Variants in QKI observed in about 807,000 individuals in gnomAD.
The protein encoded by QKI is QKI, KH domain containing RNA binding.
In QKI, 10 loss-of-function variants were observed where a neutral mutation model predicts 39.0. That is an observed-to-expected ratio of 0.26 (90% CI 0.16 to 0.43). The LOEUF is 0.43. QKI is among the 20% of genes least tolerant of loss of function. The pLI is 1.00. For synonymous variants in QKI, 204 were observed against 155.4 expected (o/e 1.31, Z -2.33); for missense variants, 218 against 428.0 (o/e 0.51, Z 4.33).
intron 1 of QKI, among the ~76,000 whole-genome samples, chr6:163,443,341 C>A (rs772981850): frequency 6.6e-6 from 1 of 152,162 alleles, no homozygotes; most frequent in Non-Finnish European, 1.5e-5. Flanking sequence ...GAGGCCAAGG[C>A]GGGTGGATTA....
At chr6:163,554,770 A>G (rs1782478039) in intron 4 of QKI, among the ~76,000 whole-genome samples, 1 of 152,222 alleles carries the variant, frequency 6.6e-6, no homozygotes, top group African/African-American at 2.4e-5. Flanking sequence ...TCAGGTTAAC[A>G]TAACTCTTTT....
chr6:163,489,956 A>G (rs1777949911), intron 3 of QKI, among the ~76,000 whole-genome samples: 1 of 152,070 alleles, frequency 6.6e-6, no homozygotes, highest in African/African-American at 2.4e-5. Context: ...AACCATATAT[A>G]TCTCCCCCTC....
At chr6:163,416,393 G>GT (rs1252832563) in intron 1 of QKI, 1 of 161,536 alleles carries the variant, frequency 6.2e-6, no homozygotes. Context: ...AAAAAAGTCT[G>GT]TTTCGAAAAT....
At chr6:163,462,915 G>A (rs1453953145) in intron 2 of QKI, among the ~76,000 whole-genome samples, 3 of 152,118 alleles carry the variant, frequency 2.0e-5, no homozygotes, top group African/African-American at 7.2e-5. Context: ...TGAGGGAAGG[G>A]CCTTGCTGGT....
intron 6 of QKI, chr6:163,564,863 T>C (rs1272190359): frequency 7.1e-7 from 1 of 1,413,816 alleles, no homozygotes; most frequent in Non-Finnish European, 9.2e-7. Context: ...GCATGCATGC[T>C]GTTGACTTTT....
At chr6:163,490,347 A>C (rs537417074) in intron 3 of QKI, among the ~76,000 whole-genome samples, 1 of 152,218 alleles carries the variant, frequency 6.6e-6, no homozygotes, top group South Asian at 2.1e-4. Context: ...GTGATTTTTT[A>C]CCCTCAAGGA....
At chr6:163,547,897 T>G (rs1419826839) in intron 4 of QKI, among the ~76,000 whole-genome samples, 1 of 152,150 alleles carries the variant, frequency 6.6e-6, no homozygotes, top group Non-Finnish European at 1.5e-5. Context: ...TGTTGTAGGT[T>G]TTCAGTGACT....
chr6:163,432,789 A>G (rs1788941673), intron 1 of QKI, among the ~76,000 whole-genome samples: 1 of 152,194 alleles, frequency 6.6e-6, no homozygotes, highest in Non-Finnish European at 1.5e-5. Flanking sequence ...TAATATTTAG[A>G]CATGTTTGTG....
intron 1 of QKI, among the ~76,000 whole-genome samples, chr6:163,439,646 G>T (rs973231811): frequency 7.0e-6 from 1 of 142,910 alleles, no homozygotes; most frequent in African/African-American, 2.6e-5. Context: ...GAGCCACCGC[G>T]TCCTGAATCC....
Position 163,422,806 on chromosome 6 carries a change from C to T in QKI, c.142+7471C>T, listed in dbSNP as rs528484440. Among the ~76,000 whole-genome samples the T allele has an allele frequency of 2.6e-4, 39 of 152,208 alleles. No homozygotes were observed. In the East Asian group the frequency reaches 6.6e-3, roughly 26 times the overall value. On this transcript the variant is annotated intron_variant, in intron 1 of 7. Transcript: ENST00000361752. ...AGTAGCTGGCCTTAAGTAAGCACCT[C>T]GCTTTTGCTTTAGTGCAGGAGAGGT... is the stretch of plus-strand genomic sequence containing the variant.
intron 7 of QKI, 128 bp from the exon 8 acceptor site, chr6:163,570,566 C>G: frequency 7.4e-7 from 1 of 1,359,032 alleles, no homozygotes; most frequent in Middle Eastern, 2.0e-4. Context: ...ATTAAACATG[C>G]TTTTTTTTTT....
chr6:163,537,003 G>A (rs1292201273), intron 4 of QKI, among the ~76,000 whole-genome samples: 3 of 152,090 alleles, frequency 2.0e-5, no homozygotes, highest in Non-Finnish European at 4.4e-5. Flanking sequence ...GAGGTCAGGA[G>A]TTCGAGACCA....
intron 1 of QKI, among the ~76,000 whole-genome samples, chr6:163,422,368 A>G (rs1487045406): frequency 6.6e-6 from 1 of 152,224 alleles, no homozygotes; most frequent in African/African-American, 2.4e-5. Flanking sequence ...TTTATATCAC[A>G]TTATTTATTA....
At chr6:163,446,800 A>G (rs1481614832) in intron 1 of QKI, among the ~76,000 whole-genome samples, 1 of 152,158 alleles carries the variant, frequency 6.6e-6, no homozygotes, top group African/African-American at 2.4e-5. Context: ...CTCCCCACCA[A>G]GTCCCCCGCT....
intron 1 of QKI, among the ~76,000 whole-genome samples, chr6:163,429,624 A>G (rs903994893): frequency 6.6e-6 from 1 of 152,206 alleles, no homozygotes; most frequent in Non-Finnish European, 1.5e-5. Flanking sequence ...ACTGGGAATT[A>G]TGAATACCAA....
intron 4 of QKI, among the ~76,000 whole-genome samples, chr6:163,551,211 C>T (rs1212306641): frequency 6.6e-6 from 1 of 152,100 alleles, no homozygotes; most frequent in Non-Finnish European, 1.5e-5. Flanking sequence ...GTAGGGATTC[C>T]TCCTCACCAC....
intron 1 of QKI, among the ~76,000 whole-genome samples, chr6:163,416,812 A>G (rs1787545061): frequency 6.6e-6 from 1 of 152,176 alleles, no homozygotes; most frequent in Non-Finnish European, 1.5e-5. Flanking sequence ...GTTAATTTCA[A>G]GTTGCTCCAG....
intron 6 of QKI, 45 bp from the exon 7 acceptor site, chr6:163,566,676 T>C (rs1241663530): frequency 1.2e-6 from 2 of 1,606,190 alleles, no homozygotes; most frequent in African/African-American, 2.7e-5. Context: ...TTTCCCCCCT[T>C]GTGAATGTTT....
chr6:163,548,960 G>C (rs1782053588), intron 4 of QKI, among the ~76,000 whole-genome samples: 2 of 152,290 alleles, frequency 1.3e-5, no homozygotes, highest in Non-Finnish European at 2.9e-5. Context: ...TGTAACTCCA[G>C]AATTCTGACT....
Sources: allele counts gnomAD v4.1 joint callset (sites outside exome capture counted in the v4.1 genomes callset), GRCh38; gene constraint gnomAD v4.1.1; transcripts MANE v1.5; gene names NCBI Gene and HGNC (gene_info 2026-07-23, HGNC 2026-07-21).